The following TMEM40 variants were observed in gnomAD, a reference collection of about 807,000 sequenced individuals.
TMEM40 encodes the protein transmembrane protein 40.
A neutral mutation model predicts 40.8 loss-of-function variants in TMEM40; 34 were observed. The observed-to-expected ratio is 0.83, with a 90% CI of 0.63 to 1.11. The LOEUF is 1.11. Ranked by LOEUF, TMEM40 falls within the 50% of genes least tolerant of loss-of-function variation. TMEM40 has a pLI of 0.00. For missense variants in TMEM40, 296 were observed against 280.2 expected, an observed-to-expected ratio of 1.06 and a Z score of -0.40; for synonymous variants, 106 against 107.0, an observed-to-expected ratio of 0.99 and a Z score of 0.06.
At chr3:12,736,911 C>G in intron 8 of TMEM40, 76 bp from the exon 9 acceptor site, 2 of 1,584,872 alleles carry the variant, frequency 1.3e-6, no homozygotes, top group South Asian at 1.1e-5. Context: ...CAAGGTCTTG[C>G]TCTGTCACCC....
In TMEM40 at chr3:12,738,168, C is replaced by T. The variant is rs1219116298; in HGVS notation, c.392G>A (p.Gly131Glu). ...PGEVVPSGES[G>E]LRRRGSDPAS... ...TGGGTCAGAGCCTCTCCTTCGGAGTCCTGGAAACAAGAAACTCAACATTAG... is the reference window on the plus strand; with the variant it reads ...TGGGTCAGAGCCTCTCCTTCGGAGTTCTGGAAACAAGAAACTCAACATTAG... The change falls in exon 7 of 12, where the codon GGA becomes GAA. Residue 131 changes from glycine to glutamate, a missense_variant and splice_region_variant. Gly to Glu is a moderately conservative substitution (Grantham distance 98). Transcript: ENST00000314124. The T allele has an allele frequency of 7.4e-6, 12 of 1,613,944 alleles. No individual in the cohort carries two copies. Among genetic ancestry groups the T allele is most frequent in the East Asian group, 2.2e-5 (1 of 44,874 alleles).
At chr3:12,742,331 T>C in intron 5 of TMEM40, 123 bp downstream of exon 5, 2 of 1,110,716 alleles carry the variant, frequency 1.8e-6, no homozygotes, top group Non-Finnish European at 2.6e-6. Flanking sequence ...ACTGGCCACA[T>C]CTCCTGTATT....
intron 1 of TMEM40, among the ~76,000 whole-genome samples, chr3:12,767,050 T>C (rs2106625401): frequency 1.3e-5 from 2 of 152,216 alleles, no homozygotes; most frequent in East Asian, 3.9e-4. Context: ...AAGGACCCTA[T>C]GTCCAGAAAA....
intron 3 of TMEM40, 144 bp from the exon 4 acceptor site, chr3:12,744,133 A>G: frequency 1.4e-6 from 1 of 704,788 alleles, no homozygotes; most frequent in South Asian, 2.1e-5. Context: ...GACTGGAGGT[A>G]GGAGACCTGC....
intron 5 of TMEM40, among the ~76,000 whole-genome samples, chr3:12,740,565 C>T (rs1248883939): frequency 2.1e-5 from 3 of 141,882 alleles, no homozygotes; most frequent in Admixed American, 6.9e-5. Flanking sequence ...AAAAAAAAAG[C>T]TTTCTGTGTG....
At position 12,738,560 on chromosome 3, in the gene TMEM40, C is replaced by T. The variant is rs34632635; in HGVS notation, c.384G>A (p.Gly128=). 26,993 of 1,614,008 alleles carry T rather than the reference C, an allele frequency of 0.017. 259 individuals are homozygous for T. The highest frequency in any genetic ancestry group is 0.019 in the Non-Finnish European group (22,527 of 1,179,956). ...GDAPGEVVPS[G]ESGLRRRGSD... ...CTCTAACTGGACACTCACCTGATTC[C>T]CCAGAGGGTACCACCTCTCCAGGAG... is the stretch of plus-strand genomic sequence containing the variant. The change falls in exon 6 of 12, where the codon GGG becomes GGA. Residue 128 remains glycine (G), a synonymous_variant. Coordinates refer to ENST00000314124, the MANE Select transcript of TMEM40 (RefSeq NM_018306.4).
At chr3:12,767,291 G>T (rs2061598402) in intron 1 of TMEM40, among the ~76,000 whole-genome samples, 1 of 152,052 alleles carries the variant, frequency 6.6e-6, no homozygotes, top group Non-Finnish European at 1.5e-5. Context: ...TATTCAATGG[G>T]TCAGAGGAAT....
chr3:12,765,085 G>A (rs1214363569), intron 1 of TMEM40, among the ~76,000 whole-genome samples: 1 of 151,956 alleles, frequency 6.6e-6, no homozygotes, highest in East Asian at 1.9e-4. Context: ...TTGAACTCCC[G>A]ACCTCAAGTA....
At chr3:12,758,915 G>A (rs1019478038) in intron 1 of TMEM40, among the ~76,000 whole-genome samples, 9 of 152,160 alleles carry the variant, frequency 5.9e-5, no homozygotes, top group Non-Finnish European at 1.5e-5. Flanking sequence ...TGAAAGTCTT[G>A]CAGCAAGTTG....
In TMEM40 at chr3:12,734,167, C is replaced by G. The variant is rs2061321047; in HGVS notation, c.*607G>C. The G allele has an allele frequency of 6.6e-6, 1 of 152,230 alleles. No homozygotes were observed. The highest frequency in any genetic ancestry group is 1.9e-4 in the East Asian group (1 of 5,188). 9.4% of individuals were successfully genotyped at this position (152,230 alleles called of 1,614,324 possible). On this transcript the variant is annotated 3_prime_UTR_variant, in exon 12 of 12. Transcript: ENST00000314124. Reference sequence around the variant, plus strand: ...AGCTTCAAGCGACCCTTAGCCTGAGCCTCCCAAAGTGCGAGGATTACAGTT... The same window carrying G: ...AGCTTCAAGCGACCCTTAGCCTGAGGCTCCCAAAGTGCGAGGATTACAGTT...
At chr3:12,740,297 C>T (rs1465611832) in intron 5 of TMEM40, among the ~76,000 whole-genome samples, 1 of 150,508 alleles carries the variant, frequency 6.6e-6, no homozygotes, top group Non-Finnish European at 1.5e-5. Context: ...GCCACGTTGG[C>T]CAGGCTGGTC....
intron 11 of TMEM40, among the ~76,000 whole-genome samples, chr3:12,735,070 C>T (rs1274596609): frequency 6.6e-6 from 1 of 152,168 alleles, no homozygotes; most frequent in Non-Finnish European, 1.5e-5. Flanking sequence ...TCAAGAAAGA[C>T]GATGTGCTTT....
intron 1 of TMEM40, among the ~76,000 whole-genome samples, chr3:12,753,211 CTTTTTTTTTTTT>C: frequency 1.3e-5 from 1 of 76,292 alleles, no homozygotes; most frequent in East Asian, 3.8e-4. Context: ...TTCTTTCTTT[CTTTTTTTTTTTT>C]TTTTTTTTTT....
intron 1 of TMEM40, among the ~76,000 whole-genome samples, chr3:12,755,545 G>A (rs1011564813): frequency 1.3e-5 from 2 of 152,068 alleles, no homozygotes; most frequent in Admixed American, 1.3e-4. Flanking sequence ...AGTGGCAAGG[G>A]TTGGCTTAGA....
intron 5 of TMEM40, chr3:12,738,792 G>A (rs969601649): frequency 3.9e-5 from 22 of 565,376 alleles, no homozygotes; most frequent in African/African-American, 9.3e-5. Flanking sequence ...CTGTAGGAAC[G>A]CCTACCCACT....
At chr3:12,744,086 G>C (rs1559527548) in intron 3 of TMEM40, 97 bp from the exon 4 acceptor site, 1 of 1,290,816 alleles carries the variant, frequency 7.7e-7, no homozygotes, top group Non-Finnish European at 1.1e-6. Context: ...TAGTTTATGA[G>C]AAGAGTGTGG....
chr3:12,733,920 T>C lies in TMEM40; in HGVS notation c.*854A>G, dbSNP rs1302519316. The C allele has an allele frequency of 6.6e-6, 1 of 150,808 alleles. No individual in the cohort carries two copies. The allele number at this position is 150,808 out of a possible 1,614,324, so 9.3% of individuals were successfully genotyped here. A position where few individuals can be genotyped will look rare whatever the true frequency, so the allele number is the denominator to read the frequency against. On this transcript the variant is annotated 3_prime_UTR_variant, in exon 12 of 12. Coordinates refer to ENST00000314124, the MANE Select transcript of TMEM40 (RefSeq NM_018306.4). The stretch of plus-strand genomic sequence containing the variant: ...TTGTCTTTTTTTTTTTTTTTTAATT[T>C]TAGAGAAACGATCTTGCTCTGTCGC...
chr3:12,763,094 A>G (rs1575748646), upstream of TMEM40, among the ~76,000 whole-genome samples: 3 of 138,422 alleles, frequency 2.2e-5, no homozygotes, highest in South Asian at 7.1e-4. Context: ...CGGGAGGCGG[A>G]GCTTGCAGTG....
chr3:12,756,801 C>T (rs1198902119), intron 1 of TMEM40, among the ~76,000 whole-genome samples: 2 of 151,654 alleles, frequency 1.3e-5, no homozygotes, highest in African/African-American at 4.9e-5. Context: ...CTATCTCTTT[C>T]TCTCTCTCTC....
Sources: allele counts gnomAD v4.1 joint callset (sites outside exome capture counted in the v4.1 genomes callset), GRCh38; gene constraint gnomAD v4.1.1; transcripts MANE v1.5; gene names NCBI Gene and HGNC (gene_info 2026-07-23, HGNC 2026-07-21).